Variants in AIG1 observed in about 807,000 individuals in gnomAD.
AIG1 encodes the protein androgen induced 1, also known as androgen-induced gene 1 protein.
In AIG1, 23 loss-of-function variants were observed where a neutral mutation model predicts 31.4. That is an observed-to-expected ratio of 0.73 (90% CI 0.53 to 1.04). The LOEUF (loss-of-function observed/expected upper bound fraction) is 1.04, where lower values mean the gene tolerates loss of function less well. Among genes scored for constraint, AIG1 ranks in the 50% least tolerant of loss-of-function variants. The probability of loss-of-function intolerance (pLI) is 0.00; values close to 1 mark genes in which losing one functional copy is unlikely to be tolerated. For missense variants in AIG1, 274 were observed against 295.0 expected, an observed-to-expected ratio of 0.93 and a Z score of 0.52; for synonymous variants, 100 against 110.5, an observed-to-expected ratio of 0.90 and a Z score of 0.60.
chr6:143,208,411 A>G (rs944720267), intron 3 of AIG1, among the ~76,000 whole-genome samples: 1 of 152,152 alleles, frequency 6.6e-6, no homozygotes, highest in Non-Finnish European at 1.5e-5. Flanking sequence ...CACAGCCATG[A>G]ATTCAGAATA....
chr6:143,270,813 G>GTGTGTGCACATGGGTA (rs1465355599), intron 3 of AIG1, among the ~76,000 whole-genome samples: 2 of 152,144 alleles, frequency 1.3e-5, no homozygotes, highest in Non-Finnish European at 2.9e-5. Flanking sequence ...GCACATTTGT[G>GTGTGTGCACATGGGTA]TGTGTGCACA....
chr6:143,342,470 G>A, downstream of AIG1: 4 of 783,664 alleles, frequency 5.1e-6, no homozygotes, highest in Non-Finnish European at 9.4e-6. Context: ...AAGCATACAA[G>A]AGAAGTGCTT....
At chr6:143,300,745 T>G (rs778137228) in intron 4 of AIG1, among the ~76,000 whole-genome samples, 7 of 152,292 alleles carry the variant, frequency 4.6e-5, no homozygotes, top group Non-Finnish European at 1.0e-4. Flanking sequence ...ACCAAATAAA[T>G]TCTTTAAAAT....
chr6:143,293,718 T>C lies in AIG1; in HGVS notation c.515+9493T>C, dbSNP rs1413480167. On this transcript the variant is annotated intron_variant, in intron 4 of 5. Transcript: ENST00000357847. The surrounding 1 kb of genome is among the most constrained non-coding windows in gnomAD (Gnocchi z 4.8). ...GTACATGAAGAACTAGAATTCCCCA[T>C]GTGCTATTAACCTTGCCCCACCCTG... 6.6e-6 allele frequency among the ~76,000 whole-genome samples: 1 copy of C among 152,180 alleles called. No individual in the cohort carries two copies. The highest frequency in any genetic ancestry group is 1.5e-5 in the Non-Finnish European group (1 of 68,032).
At chr6:143,076,067 A>G (rs752777295) in intron 1 of AIG1, among the ~76,000 whole-genome samples, 23 of 152,196 alleles carry the variant, frequency 1.5e-4, no homozygotes, top group Non-Finnish European at 3.1e-4. Context: ...TGTTTCTTAA[A>G]TGTCAACTAG....
chr6:143,269,285 A>G (rs968853830), intron 3 of AIG1, among the ~76,000 whole-genome samples: 1 of 152,252 alleles, frequency 6.6e-6, no homozygotes, highest in Admixed American at 6.5e-5. Flanking sequence ...AAGGGCAAGC[A>G]TGAGAATGAC....
rs1203415625 is a variant in AIG1, at chr6:143,329,002, A to G, written c.516-4280A>G. ...AGATAGATGGGCAAGGCCATGAGTC[A>G]TCTTTGTGCAGAGAATTGAGCCCTG... On this transcript the variant is annotated intron_variant, in intron 4 of 5. Coordinates refer to ENST00000357847, the MANE Select transcript of AIG1 (RefSeq NM_016108.4). The surrounding 1 kb of genome is among the most constrained non-coding windows in gnomAD (Gnocchi z 4.9). Among the ~76,000 whole-genome samples the G allele has an allele frequency of 1.3e-5, 2 of 152,254 alleles. No individual in the cohort carries two copies. Among genetic ancestry groups the G allele is most frequent in the African/African-American group, 4.8e-5 (2 of 41,468 alleles).
intron 3 of AIG1, among the ~76,000 whole-genome samples, chr6:143,174,505 A>G (rs1361436910): frequency 1.3e-5 from 2 of 151,740 alleles, no homozygotes; most frequent in African/African-American, 2.4e-5. Flanking sequence ...AAAAAAAAAA[A>G]AAAGAAAAGC....
At chr6:143,324,515 C>T (rs1776454593) in intron 4 of AIG1, among the ~76,000 whole-genome samples, 1 of 152,182 alleles carries the variant, frequency 6.6e-6, no homozygotes, top group Non-Finnish European at 1.5e-5. Flanking sequence ...CACCATCTAG[C>T]CTTCAGAGCA....
intron 2 of AIG1, among the ~76,000 whole-genome samples, chr6:143,158,393 C>G (rs893712363): frequency 6.6e-6 from 1 of 152,204 alleles, no homozygotes; most frequent in African/African-American, 2.4e-5. Context: ...CCTCTCTGTT[C>G]TGCTCACTAA....
chr6:143,271,119 A>C (rs907743332), intron 3 of AIG1, among the ~76,000 whole-genome samples: 1 of 152,240 alleles, frequency 6.6e-6, no homozygotes, highest in African/African-American at 2.4e-5. Flanking sequence ...GAGGCCGTCA[A>C]ATGTGAGTGT....
intron 4 of AIG1, among the ~76,000 whole-genome samples, chr6:143,312,447 A>G (rs542807867): frequency 1.0e-3 from 155 of 152,286 alleles, no homozygotes; most frequent in Middle Eastern, 3.4e-3. Context: ...TGCCAAAAAC[A>G]TACATTAGGG....
intron 3 of AIG1, among the ~76,000 whole-genome samples, chr6:143,231,467 CA>C (rs1793435474): frequency 6.6e-6 from 1 of 152,128 alleles, no homozygotes; most frequent in African/African-American, 2.4e-5. Flanking sequence ...CTGCATCTTA[CA>C]AGATGGGGAG....
At chr6:143,243,195 T>C (rs1004755557) in intron 3 of AIG1, among the ~76,000 whole-genome samples, 2 of 152,234 alleles carry the variant, frequency 1.3e-5, no homozygotes, top group African/African-American at 4.8e-5. Flanking sequence ...AATCAGTTGA[T>C]GATGTGGGAA....
chr6:143,157,437 C>CTT (rs1179158846), intron 2 of AIG1, among the ~76,000 whole-genome samples: 213 of 132,680 alleles, frequency 1.6e-3, no homozygotes, highest in Middle Eastern at 3.9e-3. Context: ...TTCCTCTCTT[C>CTT]TTTTTTTTTT....
intron 1 of AIG1, among the ~76,000 whole-genome samples, chr6:143,135,971 T>G (rs2128520198): frequency 6.6e-6 from 1 of 152,316 alleles, no homozygotes; most frequent in South Asian, 2.1e-4. Flanking sequence ...CTTTCCATAA[T>G]TTGAATGATC....
At chr6:143,214,312 C>A (rs972268495) in intron 3 of AIG1, among the ~76,000 whole-genome samples, 3 of 152,100 alleles carry the variant, frequency 2.0e-5, no homozygotes, top group Admixed American at 2.0e-4. Flanking sequence ...AATGCAAGTC[C>A]CACTCTGTCA....
chr6:143,085,601 C>A (rs142551141), intron 1 of AIG1, among the ~76,000 whole-genome samples: 17 of 152,120 alleles, frequency 1.1e-4, no homozygotes, highest in Non-Finnish European at 2.9e-5. Flanking sequence ...AGTCCTTATG[C>A]AAATTCATTT....
At chr6:143,287,749 A>AAAT in intron 4 of AIG1, among the ~76,000 whole-genome samples, 1 of 151,136 alleles carries the variant, frequency 6.6e-6, no homozygotes, top group East Asian at 1.9e-4. Context: ...AAAAAAAAAA[A>AAAT]AAAAAAAAAA....
Sources: allele counts gnomAD v4.1 joint callset (sites outside exome capture counted in the v4.1 genomes callset), GRCh38; gene constraint gnomAD v4.1.1; non-coding constraint Gnocchi (gnomAD v3.1); transcripts MANE v1.5; gene names NCBI Gene and HGNC (gene_info 2026-07-23, HGNC 2026-07-21).